ZDHHC6: variants seen among roughly 807,000 people sequenced by gnomAD.
The protein encoded by ZDHHC6 is zDHHC palmitoyltransferase 6.
In ZDHHC6, 32 loss-of-function variants were observed where a neutral mutation model predicts 57.8. The observed-to-expected ratio is 0.55, with a 90% CI of 0.42 to 0.74. ZDHHC6 has a LOEUF of 0.74. Ranked by LOEUF, ZDHHC6 falls within the 30% of genes least tolerant of loss-of-function variation. The pLI is 0.00. For missense variants in ZDHHC6, 433 were observed against 500.7 expected (o/e 0.86, Z 1.29); for synonymous variants, 128 against 158.0 (o/e 0.81, Z 1.42).
At chr10:112,432,546 C>G in intron 8 of ZDHHC6, 25 bp from the exon 9 acceptor site, 1 of 1,597,622 alleles carries the variant, frequency 6.3e-7, no homozygotes, top group Non-Finnish European at 8.5e-7. Context: ...CAGAAGAAAC[C>G]TTTAAATATT....
intron 1 of ZDHHC6, chr10:112,446,471 G>A (rs1009422845): frequency 6.6e-6 from 1 of 152,226 alleles, no homozygotes; most frequent in Non-Finnish European, 1.5e-5. Flanking sequence ...CTGAAGATCT[G>A]GAAGAGGATC....
chr10:112,433,964 T>C (rs1177448965), intron 7 of ZDHHC6, among the ~76,000 whole-genome samples: 4 of 152,122 alleles, frequency 2.6e-5, no homozygotes, highest in Admixed American at 1.3e-4. Context: ...GTGGAGGTCA[T>C]ATAAGATGGA....
At chr10:112,442,486 GA>G (rs1271467709) in intron 3 of ZDHHC6, 135 bp from the exon 4 acceptor site, 65 of 810,234 alleles carry the variant, frequency 8.0e-5, no homozygotes, top group Non-Finnish European at 1.1e-4. Flanking sequence ...TCATGGAACA[GA>G]AAGAAAAATC....
At chr10:112,447,264 TG>T, upstream of ZDHHC6, 3 of 1,185,510 alleles carry the variant, frequency 2.5e-6, no homozygotes, top group Admixed American at 6.5e-5. Context: ...TTCTCCGTTC[TG>T]CTCTCGGGGG....
chr10:112,437,463 G>A (rs543737815), intron 6 of ZDHHC6, among the ~76,000 whole-genome samples: 15 of 152,142 alleles, frequency 9.9e-5, no homozygotes, highest in Admixed American at 2.6e-4. Context: ...AATGTAATAC[G>A]GAAGAACATC....
chr10:112,425,733 T>C (rs1279923482), downstream of ZDHHC6: 1 of 354,430 alleles, frequency 2.8e-6, no homozygotes. Flanking sequence ...AGGTAATGAT[T>C]CAGTAAAAAA....
intron 5 of ZDHHC6, 104 bp downstream of exon 5, chr10:112,440,430 A>G: frequency 1.6e-6 from 2 of 1,253,044 alleles, no homozygotes; most frequent in South Asian, 4.2e-5. Context: ...AGCAAAAATA[A>G]TTTCCATTTC....
intron 10 of ZDHHC6, among the ~76,000 whole-genome samples, chr10:112,431,245 T>G (rs1845001614): frequency 6.6e-6 from 1 of 152,196 alleles, no homozygotes; most frequent in Non-Finnish European, 1.5e-5. Context: ...TCACACTGTC[T>G]TTTCCAGGGA....
intron 6 of ZDHHC6, among the ~76,000 whole-genome samples, chr10:112,436,109 A>G (rs1845503539): frequency 6.6e-6 from 1 of 152,256 alleles, no homozygotes; most frequent in South Asian, 2.1e-4. Flanking sequence ...TAAGATGTAC[A>G]AACTATGAGT....
intron 3 of ZDHHC6, among the ~76,000 whole-genome samples, chr10:112,442,707 G>C (rs1188087235): frequency 6.6e-6 from 1 of 152,114 alleles, no homozygotes; most frequent in Non-Finnish European, 1.5e-5. Flanking sequence ...TGTAAGTGCA[G>C]TGACCCAAGT....
At chr10:112,439,390 TG>T (rs1405599854) in intron 5 of ZDHHC6, among the ~76,000 whole-genome samples, 2 of 151,874 alleles carry the variant, frequency 1.3e-5, no homozygotes, top group Non-Finnish European at 2.9e-5. Context: ...CCCAGCACTT[TG>T]GGAGGCTGAG....
chr10:112,432,201 A>G, intron 10 of ZDHHC6, 39 bp downstream of exon 10: 1 of 1,562,292 alleles, frequency 6.4e-7, no homozygotes, highest in Non-Finnish European at 8.6e-7. Context: ...ATTATTGCTA[A>G]TAGTCTTGTC....
Position 112,430,774 on chromosome 10 carries a change from A to G in ZDHHC6, c.*30T>C. 1 of 1,583,118 alleles carries G rather than the reference A, an allele frequency of 6.3e-7. No individual in the cohort carries two copies. The highest frequency in any genetic ancestry group is 1.7e-4 in the Middle Eastern group (1 of 5,994). On this transcript the variant is annotated 3_prime_UTR_variant, in exon 11 of 11. Coordinates refer to ENST00000369405, the MANE Select transcript of ZDHHC6 (RefSeq NM_022494.3). ...GTACAATTTTCAAGTAATTAAGCAG[A>G]CTTAAAGGATAATTTTGTTTTAACA...
chr10:112,432,517 C>T lies in ZDHHC6; in HGVS notation c.950G>A (p.Arg317His), dbSNP rs377021418. Reference protein sequence around the residue: ...QKADKRVRSVRYKVIEDYSGA... With the variant: ...QKADKRVRSVHYKVIEDYSGA... ...ACTATAATCTTCTATTACTTTATAG[C>T]GAACCTGTCGTCAGTGATCAGAAGA... The change falls in exon 9 of 11, where the codon CGC (arginine) becomes CAC (histidine). Residue 317 changes from arginine to histidine, a missense_variant. Coordinates refer to ENST00000369405, the MANE Select transcript of ZDHHC6 (RefSeq NM_022494.3). 197 of 1,612,600 alleles carry T rather than the reference C, an allele frequency of 1.2e-4. No homozygotes were observed. The highest frequency in any genetic ancestry group is 1.6e-4 in the Non-Finnish European group (187 of 1,179,552).
At chr10:112,442,552 A>G (rs1846224217) in intron 3 of ZDHHC6, among the ~76,000 whole-genome samples, 1 of 152,228 alleles carries the variant, frequency 6.6e-6, no homozygotes, top group African/African-American at 2.4e-5. Flanking sequence ...ACAGCACAGG[A>G]AAGGGCAGGC....
At chr10:112,438,091 C>T (rs960722469) in intron 6 of ZDHHC6, among the ~76,000 whole-genome samples, 9 of 152,160 alleles carry the variant, frequency 5.9e-5, no homozygotes, top group African/African-American at 1.9e-4. Flanking sequence ...TAGGCCTCTG[C>T]GACCACTCAG....
intron 7 of ZDHHC6, 95 bp downstream of exon 7, chr10:112,434,202 A>C: frequency 8.1e-7 from 1 of 1,235,310 alleles, no homozygotes; most frequent in Non-Finnish European, 1.1e-6. Flanking sequence ...CATTCATATT[A>C]CTTATTTTAC....
At chr10:112,432,623 A>T in intron 8 of ZDHHC6, 102 bp from the exon 9 acceptor site, 4 of 1,431,286 alleles carry the variant, frequency 2.8e-6, no homozygotes, top group Non-Finnish European at 3.8e-6. Flanking sequence ...ATATCCAGTG[A>T]CAAGCCTTCT....
In ZDHHC6 at chr10:112,443,617, A is replaced by T; in HGVS notation, c.268-11T>A. 6.2e-7 allele frequency: 1 copy of T among 1,604,980 alleles called. No individual in the cohort carries two copies. On this transcript the variant is annotated splice_polypyrimidine_tract_variant and intron_variant, in intron 2 of 10. Transcript: ENST00000369405. ...ATCCTGAGAAATTTCCTTGGCAGCA[A>T]AACAGAAACAAAAATGCATCATCGG...
Sources: gnomAD v4.1 joint callset for allele counts (sites outside exome capture counted in the v4.1 genomes callset) on GRCh38, gnomAD v4.1.1 for gene constraint, MANE v1.5 for transcripts, NCBI Gene and HGNC (gene_info 2026-07-23, HGNC 2026-07-21) for gene names.